LRRC20: variants seen among roughly 807,000 people sequenced by gnomAD.
LRRC20 encodes the protein leucine-rich repeat-containing protein 20.
In LRRC20, 11 loss-of-function variants were observed where a neutral mutation model predicts 14.4. That is an observed-to-expected ratio of 0.77 (90% confidence interval 0.48 to 1.27). The LOEUF is 1.27. Among genes scored for constraint, LRRC20 ranks in the 50% most tolerant of loss-of-function variants. LRRC20 has a pLI of 0.00. For synonymous variants in LRRC20, 121 were observed against 107.3 expected (o/e 1.13, Z -0.79); for missense variants, 219 against 251.2 (o/e 0.87, Z 0.87).
chr10:70,368,982 C>G (rs1844148869), intron 2 of LRRC20, among the ~76,000 whole-genome samples: 1 of 152,162 alleles, frequency 6.6e-6, no homozygotes, highest in Admixed American at 6.5e-5. Flanking sequence ...CAGGACCTAC[C>G]CTTCAGAAAA....
chr10:70,365,053 CTTTTTTTT>C (rs10581759), intron 2 of LRRC20, among the ~76,000 whole-genome samples: 1 of 71,430 alleles, frequency 1.4e-5, no homozygotes, highest in Non-Finnish European at 2.7e-5. Flanking sequence ...TGAGATTCAA[CTTTTTTTT>C]TTTTTTTTTT....
At chr10:70,309,641 C>A (rs569233753) in intron 4 of LRRC20, among the ~76,000 whole-genome samples, 1 of 152,378 alleles carries the variant, frequency 6.6e-6, no homozygotes, top group Middle Eastern at 3.4e-3. Context: ...GCTGTCACCC[C>A]TTCTCCCCAT....
chr10:70,339,617 A>T (rs1363102459), intron 3 of LRRC20, among the ~76,000 whole-genome samples: 1 of 152,146 alleles, frequency 6.6e-6, no homozygotes, highest in Non-Finnish European at 1.5e-5. Context: ...CAGCTCTGTC[A>T]CATGGGTCAC....
intron 2 of LRRC20, among the ~76,000 whole-genome samples, chr10:70,366,138 C>T (rs1170096933): frequency 1.3e-5 from 2 of 150,218 alleles, no homozygotes; most frequent in Admixed American, 6.7e-5. Flanking sequence ...AGTTGTACAA[C>T]GTCGGCCAGG....
At chr10:70,301,570 A>G in intron 4 of LRRC20, 62 bp from the exon 5 acceptor site, 3 of 1,577,666 alleles carry the variant, frequency 1.9e-6, no homozygotes, top group Non-Finnish European at 2.6e-6. Flanking sequence ...AAAGAAGGAC[A>G]ATGGGCCATG....
intron 2 of LRRC20, among the ~76,000 whole-genome samples, chr10:70,375,282 C>G (rs1844463427): frequency 6.6e-6 from 1 of 152,174 alleles, no homozygotes; most frequent in South Asian, 2.1e-4. Flanking sequence ...TTACAAAGTG[C>G]CTGACACTGC....
intron 4 of LRRC20, among the ~76,000 whole-genome samples, chr10:70,312,180 C>G (rs1015933510): frequency 6.6e-6 from 1 of 152,164 alleles, no homozygotes; most frequent in Non-Finnish European, 1.5e-5. Context: ...AGAATCCAGG[C>G]CAGCCCTAGG....
intron 3 of LRRC20, among the ~76,000 whole-genome samples, chr10:70,333,814 G>A (rs1320545561): frequency 2.6e-5 from 4 of 152,206 alleles, no homozygotes; most frequent in Non-Finnish European, 5.9e-5. Flanking sequence ...GACTCTCCCA[G>A]ACCCCACTAT....
chr10:70,330,434 C>A (rs546364781), intron 3 of LRRC20, among the ~76,000 whole-genome samples: 1 of 150,948 alleles, frequency 6.6e-6, no homozygotes, highest in Non-Finnish European at 1.5e-5. Flanking sequence ...TGAGTGGGAA[C>A]CAAACCATGG....
At chr10:70,343,796 A>C (rs1842992279) in intron 2 of LRRC20, among the ~76,000 whole-genome samples, 1 of 152,240 alleles carries the variant, frequency 6.6e-6, no homozygotes, top group Non-Finnish European at 1.5e-5. Context: ...GGCAGATCTC[A>C]TCATACATCC....
chr10:70,316,140 T>C (rs1389442489), intron 4 of LRRC20, among the ~76,000 whole-genome samples: 1 of 152,184 alleles, frequency 6.6e-6, no homozygotes, highest in African/African-American at 2.4e-5. Context: ...TTTTATTTAT[T>C]TTTTTCTTTT....
chr10:70,343,687 C>A (rs1324668525), intron 2 of LRRC20, among the ~76,000 whole-genome samples: 3 of 152,200 alleles, frequency 2.0e-5, no homozygotes, highest in Non-Finnish European at 2.9e-5. Flanking sequence ...TCGTTCCAAA[C>A]AACAAGCCCT....
At chr10:70,366,564 T>G (rs905320611) in intron 2 of LRRC20, among the ~76,000 whole-genome samples, 3 of 152,178 alleles carry the variant, frequency 2.0e-5, no homozygotes, top group African/African-American at 7.2e-5. Context: ...TGAGATACAT[T>G]ACACCCTAGA....
At chr10:70,356,462 G>A (rs1055014767) in intron 2 of LRRC20, among the ~76,000 whole-genome samples, 1 of 152,148 alleles carries the variant, frequency 6.6e-6, no homozygotes, top group Admixed American at 6.5e-5. Flanking sequence ...GTTGCAGTGA[G>A]CCAAGATCAT....
At chr10:70,317,799 C>T (rs1274762860) in intron 4 of LRRC20, among the ~76,000 whole-genome samples, 2 of 152,204 alleles carry the variant, frequency 1.3e-5, no homozygotes, top group Admixed American at 1.3e-4. Flanking sequence ...GTTCTGAGGG[C>T]AGCTGGCACT....
intron 3 of LRRC20, among the ~76,000 whole-genome samples, chr10:70,336,043 G>A (rs1422825090): frequency 6.6e-6 from 1 of 152,318 alleles, no homozygotes; most frequent in South Asian, 2.1e-4. Flanking sequence ...AGCAAGATGA[G>A]GGGCTCCTCC....
chr10:70,376,443 C>T lies in LRRC20; in HGVS notation c.82+9G>A, dbSNP rs1451690871. 1.2e-6 allele frequency: 2 copies of T among 1,613,980 alleles called. No homozygotes were observed. The highest frequency in any genetic ancestry group is 2.2e-5 in the South Asian group (2 of 91,082). ...CAGGGAAGTTGGGAAAAGCCCTGCCCTCACTCACCCAGAGTGTCAGAGCCG... is the reference window on the plus strand; with the variant it reads ...CAGGGAAGTTGGGAAAAGCCCTGCCTTCACTCACCCAGAGTGTCAGAGCCG... On this transcript the variant is annotated intron_variant, in intron 2 of 4. Coordinates refer to ENST00000446961, the MANE Select transcript of LRRC20 (RefSeq NM_001278212.2).
At chr10:70,318,931 C>T (rs989859919) in intron 4 of LRRC20, among the ~76,000 whole-genome samples, 5 of 151,818 alleles carry the variant, frequency 3.3e-5, no homozygotes, top group African/African-American at 1.2e-4. Context: ...CTCAGCCTCC[C>T]GAGTAGCTGG....
chr10:70,309,754 C>T (rs1464605446), intron 4 of LRRC20, among the ~76,000 whole-genome samples: 1 of 152,248 alleles, frequency 6.6e-6, no homozygotes, highest in African/African-American at 2.4e-5. Flanking sequence ...TCTCCTCTGT[C>T]CCTCACCTGG....
Sources: allele counts gnomAD v4.1 joint callset (sites outside exome capture counted in the v4.1 genomes callset), GRCh38; gene constraint gnomAD v4.1.1; transcripts MANE v1.5; gene names NCBI Gene and HGNC (gene_info 2026-07-23, HGNC 2026-07-21).